Variants in HIBADH observed in about 807,000 individuals in gnomAD.
HIBADH encodes 3-hydroxyisobutyrate dehydrogenase.
Under a neutral mutation model 36.1 loss-of-function variants are expected in HIBADH, and 25 were observed. The ratio of observed to expected loss-of-function variants is 0.69; its 90% confidence interval spans 0.50 to 0.97. HIBADH has a LOEUF of 0.97. Ranked by LOEUF, HIBADH falls within the 50% of genes least tolerant of loss-of-function variation. The pLI, the probability that HIBADH is intolerant of heterozygous loss-of-function variation, is 0.00. For synonymous variants in HIBADH, 160 were observed against 149.5 expected, an observed-to-expected ratio of 1.07 and a Z score of -0.51; for missense variants, 421 against 418.0, an observed-to-expected ratio of 1.01 and a Z score of -0.06.
chr7:27,537,910 T>G (rs1784090335), intron 6 of HIBADH, among the ~76,000 whole-genome samples: 1 of 152,112 alleles, frequency 6.6e-6, no homozygotes, highest in Non-Finnish European at 1.5e-5. Flanking sequence ...GGGGACTATA[T>G]TTTTAAAAGG....
intron 4 of HIBADH, among the ~76,000 whole-genome samples, chr7:27,604,416 T>A (rs1187000555): frequency 9.0e-6 from 1 of 110,876 alleles, no homozygotes; most frequent in Non-Finnish European, 1.8e-5. Context: ...CAGTTTACTC[T>A]ATCAAATTTG....
chr7:27,579,653 C>T (rs938619977), intron 4 of HIBADH, among the ~76,000 whole-genome samples: 2 of 152,184 alleles, frequency 1.3e-5, no homozygotes, highest in African/African-American at 4.8e-5. Flanking sequence ...AGCAGGTTTA[C>T]TTATGTGCTT....
chr7:27,559,551 G>C (rs909792123), intron 4 of HIBADH, among the ~76,000 whole-genome samples: 1 of 152,128 alleles, frequency 6.6e-6, no homozygotes, highest in African/African-American at 2.4e-5. Context: ...AGCATCACTT[G>C]AGCCCAGGAG....
intron 2 of HIBADH, among the ~76,000 whole-genome samples, chr7:27,642,167 CTG>C (rs1554300785): frequency 1.3e-5 from 2 of 152,190 alleles, no homozygotes; most frequent in Non-Finnish European, 2.9e-5. Context: ...AACCCAGTAA[CTG>C]AGTCTGTGTC....
At chr7:27,576,902 G>T (rs976130745) in intron 4 of HIBADH, among the ~76,000 whole-genome samples, 5 of 152,074 alleles carry the variant, frequency 3.3e-5, no homozygotes, top group African/African-American at 1.2e-4. Context: ...TAATACAATT[G>T]TCATGCTACT....
chr7:27,605,670 TTTCA>T (rs1332726535), intron 4 of HIBADH, among the ~76,000 whole-genome samples: 4 of 149,790 alleles, frequency 2.7e-5, no homozygotes, highest in Non-Finnish European at 5.9e-5. Context: ...CCTCCAAATA[TTTCA>T]TTTTCATTTA....
intron 4 of HIBADH, among the ~76,000 whole-genome samples, chr7:27,591,323 A>G (rs1177885582): frequency 5.3e-5 from 8 of 152,126 alleles, no homozygotes; most frequent in African/African-American, 1.9e-4. Flanking sequence ...AGGCCAAGGC[A>G]GGCGGATCAC....
chr7:27,655,381 A>G lies in HIBADH; in HGVS notation c.92-5748T>C, dbSNP rs930544480. ...GCTGAAGCATTAGGGTTAAAGTGTC[A>G]TGTCAGCAATTTACTTTCAAATGAT... On this transcript the variant is annotated intron_variant, in intron 1 of 7. Transcript: ENST00000265395. 1.3e-4 allele frequency among the ~76,000 whole-genome samples: 20 copies of G among 152,332 alleles called. 1 individual carries two copies. In the Middle Eastern group the frequency reaches 0.01, roughly 78 times the overall value.
At chr7:27,653,230 A>C (rs1241140022) in intron 1 of HIBADH, among the ~76,000 whole-genome samples, 1 of 152,220 alleles carries the variant, frequency 6.6e-6, no homozygotes, top group African/African-American at 2.4e-5. Context: ...GCCACAGGAA[A>C]AGACAGGTAT....
At chr7:27,661,871 T>C (rs1786428164) in intron 1 of HIBADH, among the ~76,000 whole-genome samples, 2 of 152,136 alleles carry the variant, frequency 1.3e-5, no homozygotes, top group Admixed American at 6.5e-5. Flanking sequence ...ACTTTCTAGG[T>C]CTTGCTGGGA....
intron 4 of HIBADH, among the ~76,000 whole-genome samples, chr7:27,600,051 G>A (rs1408999455): frequency 6.6e-6 from 1 of 152,082 alleles, no homozygotes; most frequent in African/African-American, 2.4e-5. Context: ...GGGTCAGGGA[G>A]TTCTCTCCCT....
rs563324276 is a variant in HIBADH at position 27,616,774 on chromosome 7, T to C, written c.484+12597A>G. Among the ~76,000 whole-genome samples the C allele has an allele frequency of 9.5e-5, 14 of 146,984 alleles. No homozygotes were observed. In the East Asian group the frequency reaches 2.8e-3, roughly 30 times the overall value. On this transcript the variant is annotated intron_variant, in intron 4 of 7. Transcript: ENST00000265395. Reference sequence around the variant, plus strand: ...ACTGCGCCCAGCCCCCATGTCTTCCTTTTTTAGAAAAGAGTTAAAAGGTAA... The same window carrying C: ...ACTGCGCCCAGCCCCCATGTCTTCCCTTTTTAGAAAAGAGTTAAAAGGTAA...
chr7:27,541,981 T>C (rs1784157874), intron 5 of HIBADH, among the ~76,000 whole-genome samples: 1 of 152,220 alleles, frequency 6.6e-6, no homozygotes. Flanking sequence ...TATGATTTAA[T>C]GCATCTTTAC....
rs1294625172 is a variant in HIBADH, at chr7:27,526,026, T to A, written c.*188A>T. ...CTATCAGTGGCTTGCAGAAAAAAAA[T>A]TCGGATAATATGTTTGTTAAAAAGA... On this transcript the variant is annotated 3_prime_UTR_variant, in exon 8 of 8. Coordinates refer to ENST00000265395, the MANE Select transcript of HIBADH (RefSeq NM_152740.4). The A allele has an allele frequency of 2.4e-6, 1 of 422,614 alleles. No homozygotes were observed. The highest frequency in any genetic ancestry group is 4.0e-5 in the East Asian group (1 of 24,756). The allele number at this position is 422,614 out of a possible 1,614,324, so 26.2% of individuals were successfully genotyped here.
intron 4 of HIBADH, among the ~76,000 whole-genome samples, chr7:27,578,118 CTAAG>C (rs895284658): frequency 2.6e-5 from 4 of 152,040 alleles, no homozygotes; most frequent in Non-Finnish European, 4.4e-5. Flanking sequence ...GCTAATTTTG[CTAAG>C]TGAGAGTTAA....
intron 4 of HIBADH, among the ~76,000 whole-genome samples, chr7:27,601,573 A>G (rs932955139): frequency 2.0e-5 from 3 of 152,122 alleles, no homozygotes; most frequent in African/African-American, 7.2e-5. Context: ...AAAAGTTATA[A>G]AAGTGCATTT....
At chr7:27,555,899 T>C (rs1430242593) in intron 4 of HIBADH, among the ~76,000 whole-genome samples, 2 of 152,134 alleles carry the variant, frequency 1.3e-5, no homozygotes, top group African/African-American at 4.8e-5. Flanking sequence ...GCTTAACCTG[T>C]TAGGGTCACA....
chr7:27,599,314 TAGC>T (rs1196197511), intron 4 of HIBADH, among the ~76,000 whole-genome samples: 1 of 152,166 alleles, frequency 6.6e-6, no homozygotes, highest in African/African-American at 2.4e-5. Flanking sequence ...TGCAGAAAAA[TAGC>T]AGAGCCAATT....
chr7:27,535,056 C>T (rs1784053731), intron 6 of HIBADH, among the ~76,000 whole-genome samples: 1 of 147,224 alleles, frequency 6.8e-6, no homozygotes, highest in South Asian at 2.2e-4. Context: ...AACAACTAGC[C>T]AGTACGATGG....
Sources: allele counts gnomAD v4.1 joint callset (sites outside exome capture counted in the v4.1 genomes callset), GRCh38; gene constraint gnomAD v4.1.1; transcripts MANE v1.5; gene names NCBI Gene and HGNC (gene_info 2026-07-23, HGNC 2026-07-21).